Variants in DOCK5 observed in about 807,000 individuals in gnomAD.
The protein encoded by DOCK5 is dedicator of cytokinesis 5, also known as dedicator of cytokinesis protein 5.
In DOCK5, 142 loss-of-function variants were observed where a neutral mutation model predicts 251.8. The observed-to-expected ratio is 0.56, with a 90% CI of 0.49 to 0.65. The LOEUF is 0.65. DOCK5 is among the 30% of genes least tolerant of loss of function. DOCK5 has a pLI of 0.00. For synonymous variants in DOCK5, 842 were observed against 835.5 expected (o/e 1.01, Z -0.13); for missense variants, 2,111 against 2,312.3 (o/e 0.91, Z 1.79).
intron 1 of DOCK5, among the ~76,000 whole-genome samples, chr8:25,242,493 T>C (rs1791790987): frequency 6.6e-6 from 1 of 152,254 alleles, no homozygotes; most frequent in South Asian, 2.1e-4. Context: ...CTTTTCTTTT[T>C]TCTTTATCAT....
At chr8:25,384,671 G>C (rs563913250) in intron 40 of DOCK5, among the ~76,000 whole-genome samples, 1 of 151,892 alleles carries the variant, frequency 6.6e-6, no homozygotes, top group South Asian at 2.1e-4. Context: ...TGTTGGCCAG[G>C]CTGATCTCGA....
chr8:25,307,371 G>C (rs544383139), intron 11 of DOCK5, among the ~76,000 whole-genome samples: 11 of 151,988 alleles, frequency 7.2e-5, no homozygotes, highest in Non-Finnish European at 1.3e-4. Context: ...CACCTGCCTC[G>C]GCCTCCCAAA....
At chr8:25,342,698 T>G (rs1800262367) in intron 25 of DOCK5, among the ~76,000 whole-genome samples, 191 bp downstream of exon 25, 1 of 111,356 alleles carries the variant, frequency 9.0e-6, no homozygotes, top group Non-Finnish European at 1.9e-5. Context: ...CTTGTTTTTT[T>G]TTTTTTTTTT....
intron 15 of DOCK5, among the ~76,000 whole-genome samples, chr8:25,320,712 C>T (rs1181853684): frequency 6.6e-6 from 1 of 152,150 alleles, no homozygotes; most frequent in Non-Finnish European, 1.5e-5. Context: ...CCAGTATTTC[C>T]CCTCTGAAGT....
intron 1 of DOCK5, among the ~76,000 whole-genome samples, chr8:25,233,073 C>T (rs1283287278): frequency 1.3e-5 from 2 of 152,146 alleles, no homozygotes; most frequent in Admixed American, 1.3e-4. Context: ...CTCTGCCCTG[C>T]ACATTCTAGC....
At chr8:25,259,326 G>A (rs1207583204) in intron 2 of DOCK5, among the ~76,000 whole-genome samples, 1 of 152,190 alleles carries the variant, frequency 6.6e-6, no homozygotes, top group Admixed American at 6.5e-5. Context: ...TTGGTATAAG[G>A]TAAAGCAATG....
chr8:25,309,059 C>A, intron 12 of DOCK5, 134 bp downstream of exon 12: 3 of 1,175,920 alleles, frequency 2.6e-6, no homozygotes, highest in Non-Finnish European at 3.4e-6. Context: ...TCCCCCTCAG[C>A]TTCCAACCAC....
chr8:25,344,277 A>G (rs555563229), intron 25 of DOCK5, among the ~76,000 whole-genome samples: 7 of 152,354 alleles, frequency 4.6e-5, no homozygotes, highest in African/African-American at 1.7e-4. Flanking sequence ...AGCTGATATA[A>G]ACAGGAGGTC....
intron 44 of DOCK5, among the ~76,000 whole-genome samples, chr8:25,395,254 G>C (rs960464147): frequency 6.6e-6 from 1 of 152,140 alleles, no homozygotes; most frequent in Non-Finnish European, 1.5e-5. Flanking sequence ...AGCAGGCAGA[G>C]CTCAGGTTGT....
chr8:25,341,581 G>A (rs888219311), intron 23 of DOCK5, among the ~76,000 whole-genome samples, 158 bp from the exon 24 acceptor site: 6 of 152,178 alleles, frequency 3.9e-5, no homozygotes, highest in South Asian at 2.1e-4. Context: ...TTAGGAGATC[G>A]TGTAGAGCAA....
chr8:25,358,463 G>C (rs760039050), intron 27 of DOCK5, among the ~76,000 whole-genome samples: 6 of 152,096 alleles, frequency 3.9e-5, no homozygotes, highest in Non-Finnish European at 7.4e-5. Flanking sequence ...GATTTGGGTG[G>C]GGACACAGCC....
chr8:25,399,996 T>TA lies in DOCK5; in HGVS notation c.4788+3dup. ...CTAAAGCGACTAATAGCATTACAGG[T>TA]ACAGGACGGCTTTCCTCTACACTCC... is the stretch of plus-strand genomic sequence containing the variant. On this transcript the variant is annotated splice_region_variant and intron_variant, in intron 46 of 51. Coordinates refer to ENST00000276440, the MANE Select transcript of DOCK5 (RefSeq NM_024940.8). The TA allele has an allele frequency of 6.2e-7, 1 of 1,612,968 alleles. No homozygotes were observed. The highest frequency in any genetic ancestry group is 1.6e-4 in the Middle Eastern group (1 of 6,062).
intron 35 of DOCK5, among the ~76,000 whole-genome samples, chr8:25,373,294 G>A (rs149371748): frequency 2.8e-4 from 42 of 152,242 alleles, no homozygotes; most frequent in African/African-American, 8.9e-4. Context: ...CACCGCACCC[G>A]GCTGGATAGG....
At chr8:25,271,124 A>G (rs1311303510) in intron 3 of DOCK5, 1 of 319,232 alleles carries the variant, frequency 3.1e-6, no homozygotes, top group African/African-American at 2.1e-5. Flanking sequence ...TGAACAGTAG[A>G]TAGATAGGGT....
rs531061030 is a variant in DOCK5 at position 25,376,131 on chromosome 8, G to A, written c.3817-1174G>A. 7 of 968,408 alleles carry A rather than the reference G, an allele frequency of 7.2e-6. No homozygotes were observed. The African/African-American group carries it at 1.1e-4, about 15-fold the overall frequency. The allele number at this position is 968,408 out of a possible 1,614,324, so 60.0% of individuals were successfully genotyped here. A position where few individuals can be genotyped will look rare whatever the true frequency, so the allele number is the denominator to read the frequency against. On this transcript the variant is annotated intron_variant, in intron 37 of 51. Coordinates refer to ENST00000276440, the MANE Select transcript of DOCK5 (RefSeq NM_024940.8). ...AAAAAAAAAAAAAAAGCAACCTACT[G>A]TATATAGCTTAGAAAGTGAGGCTTG...
intron 1 of DOCK5, among the ~76,000 whole-genome samples, chr8:25,243,127 C>A (rs1450945053): frequency 1.3e-5 from 2 of 152,160 alleles, no homozygotes; most frequent in African/African-American, 2.4e-5. Context: ...CTGTTAAGTT[C>A]CCTGGGGACA....
At chr8:25,233,251 T>G (rs1802715669) in intron 1 of DOCK5, among the ~76,000 whole-genome samples, 1 of 152,214 alleles carries the variant, frequency 6.6e-6, no homozygotes, top group Admixed American at 6.5e-5. Context: ...TGCTGTTCAG[T>G]GTCTGAAAAC....
At chr8:25,272,631 C>A (rs1055788839) in intron 3 of DOCK5, among the ~76,000 whole-genome samples, 7 of 152,096 alleles carry the variant, frequency 4.6e-5, no homozygotes, top group African/African-American at 1.4e-4. Context: ...ACAGTTTATC[C>A]GTGCCCAGCG....
At chr8:25,341,595 CA>C in intron 23 of DOCK5, 143 bp from the exon 24 acceptor site, 1 of 698,768 alleles carries the variant, frequency 1.4e-6, no homozygotes, top group Non-Finnish European at 2.4e-6. Flanking sequence ...AGAGCAATGC[CA>C]GCTTTCCTTT....
Sources: gnomAD v4.1 joint callset for allele counts (sites outside exome capture counted in the v4.1 genomes callset) on GRCh38, gnomAD v4.1.1 for gene constraint, MANE v1.5 for transcripts, NCBI Gene and HGNC (gene_info 2026-07-23, HGNC 2026-07-21) for gene names.